The following DLGAP4 variants were observed in gnomAD, a reference collection of about 807,000 sequenced individuals.
DLGAP4 encodes the protein DLG associated protein 4, also known as disks large-associated protein 4.
A neutral mutation model predicts 86.9 loss-of-function variants in DLGAP4; 18 were observed. The ratio of observed to expected loss-of-function variants is 0.21; its 90% CI spans 0.14 to 0.31. The LOEUF is 0.31. Ranked by LOEUF, DLGAP4 falls within the 10% of genes least tolerant of loss-of-function variation. The pLI is 1.00. For missense variants in DLGAP4, 1,085 were observed against 1,362.6 expected, an observed-to-expected ratio of 0.80 and a Z score of 3.21; for synonymous variants, 548 against 574.3, an observed-to-expected ratio of 0.95 and a Z score of 0.65.
At chr20:36,435,411 A>G (rs2033245746) in intron 3 of DLGAP4, among the ~76,000 whole-genome samples, 2 of 152,318 alleles carry the variant, frequency 1.3e-5, no homozygotes, top group South Asian at 4.1e-4. Context: ...TACTGCCACC[A>G]TAACCACTGG....
At chr20:36,335,515 C>T (rs538583085) in intron 1 of DLGAP4, among the ~76,000 whole-genome samples, 1 of 152,220 alleles carries the variant, frequency 6.6e-6, no homozygotes, top group South Asian at 2.1e-4. Flanking sequence ...AAATGGGGGT[C>T]ATGTTATTGT....
intron 10 of DLGAP4, among the ~76,000 whole-genome samples, chr20:36,512,272 G>A (rs1569524021): frequency 6.6e-6 from 1 of 151,868 alleles, no homozygotes; most frequent in Non-Finnish European, 1.5e-5. Context: ...GGATGGTCTT[G>A]ATCTCCTGAC....
At chr20:36,312,523 G>A (rs1361808207) in intron 1 of DLGAP4, among the ~76,000 whole-genome samples, 1 of 152,194 alleles carries the variant, frequency 6.6e-6, no homozygotes, top group Non-Finnish European at 1.5e-5. Context: ...TGGTGCATGA[G>A]GGGGTCATCT....
At chr20:36,508,747 T>C (rs1022803814) in intron 10 of DLGAP4, 1 of 152,234 alleles carries the variant, frequency 6.6e-6, no homozygotes, top group African/African-American at 2.4e-5. Context: ...GTTTTCAGCG[T>C]TTCATCAACA....
intron 7 of DLGAP4, chr20:36,492,938 A>G (rs1211113535): frequency 6.6e-6 from 1 of 151,814 alleles, no homozygotes; most frequent in Non-Finnish European, 1.5e-5. Flanking sequence ...CTCTAAACAA[A>G]CGTCCAGGTC....
chr20:36,416,546 C>T (rs541674234), intron 2 of DLGAP4, among the ~76,000 whole-genome samples: 157 of 152,376 alleles, frequency 1.0e-3, no homozygotes, highest in African/African-American at 3.7e-3. Context: ...AGAGGGCCAG[C>T]TCTGTACAGA....
At chr20:36,486,002 C>A (rs1478914716) in intron 7 of DLGAP4, among the ~76,000 whole-genome samples, 1 of 152,094 alleles carries the variant, frequency 6.6e-6, no homozygotes, top group South Asian at 2.1e-4. Flanking sequence ...TGTGGTGGGG[C>A]GTGATCTGAA....
At position 36,527,254 on chromosome 20, in the gene DLGAP4, GAAACTAGA is replaced by G. The variant is rs907371909; in HGVS notation, c.*229_*236del. On this transcript the variant is annotated 3_prime_UTR_variant, in exon 13 of 13. Transcript: ENST00000339266. ...CACAAAAAAAATCAACAAAAATCAC[GAAACTAGA>G]AAACTTTTTTTTTCCTCTTGCTGGC... The G allele has an allele frequency of 2.2e-6, 1 of 464,714 alleles. No homozygotes were observed. Among genetic ancestry groups the G allele is most frequent in the African/African-American group, 2.0e-5 (1 of 50,596 alleles). 28.8% of individuals were successfully genotyped at this position (464,714 alleles called of 1,614,324 possible). A position where few individuals can be genotyped will look rare whatever the true frequency, so the allele number is the denominator to read the frequency against.
At chr20:36,324,928 T>G (rs1273005764) in intron 1 of DLGAP4, among the ~76,000 whole-genome samples, 1 of 152,206 alleles carries the variant, frequency 6.6e-6, no homozygotes, top group Non-Finnish European at 1.5e-5. Context: ...TGATTTTTTC[T>G]TATTGTTTGT....
At chr20:36,378,061 GC>G (rs1419724782) in intron 2 of DLGAP4, among the ~76,000 whole-genome samples, 3 of 152,164 alleles carry the variant, frequency 2.0e-5, no homozygotes, top group African/African-American at 7.2e-5. Context: ...CCCCAGGAGA[GC>G]CCCTGGGGAA....
intron 1 of DLGAP4, among the ~76,000 whole-genome samples, chr20:36,338,225 G>A (rs782418906): frequency 1.3e-5 from 2 of 152,164 alleles, no homozygotes; most frequent in African/African-American, 2.4e-5. Context: ...CGAGTGCAAG[G>A]GGGGAGGCAG....
chr20:36,396,652 A>G (rs1569484924), intron 2 of DLGAP4, among the ~76,000 whole-genome samples: 1 of 135,208 alleles, frequency 7.4e-6, no homozygotes, highest in African/African-American at 2.8e-5. Context: ...CCACACACAC[A>G]CACACCACAC....
chr20:36,309,229 C>T (rs1230460116), intron 1 of DLGAP4, among the ~76,000 whole-genome samples: 4 of 152,214 alleles, frequency 2.6e-5, no homozygotes, highest in East Asian at 1.9e-4. Context: ...TGTCACCACC[C>T]GCCCAGCCCC....
intron 10 of DLGAP4, among the ~76,000 whole-genome samples, chr20:36,521,669 G>T (rs1461554325): frequency 1.3e-5 from 2 of 152,170 alleles, no homozygotes; most frequent in Non-Finnish European, 2.9e-5. Flanking sequence ...ATCTCTGTAC[G>T]ATCTCCAGGG....
At chr20:36,334,315 G>A (rs1202083204) in intron 1 of DLGAP4, among the ~76,000 whole-genome samples, 4 of 152,098 alleles carry the variant, frequency 2.6e-5, no homozygotes, top group East Asian at 1.9e-4. Context: ...GGCTGATGGC[G>A]AGCTGGTCAG....
At chr20:36,515,993 T>G (rs1336669099) in intron 10 of DLGAP4, among the ~76,000 whole-genome samples, 1 of 152,256 alleles carries the variant, frequency 6.6e-6, no homozygotes, top group Non-Finnish European at 1.5e-5. Context: ...TGATAAGATC[T>G]TCTCAACTGT....
intron 2 of DLGAP4, among the ~76,000 whole-genome samples, chr20:36,401,288 G>A (rs2032153161): frequency 6.6e-6 from 1 of 152,212 alleles, no homozygotes; most frequent in South Asian, 2.1e-4. Context: ...CAAACCTCCA[G>A]CCACAGATAA....
chr20:36,440,565 C>T (rs1569500626), intron 5 of DLGAP4, among the ~76,000 whole-genome samples: 1 of 152,044 alleles, frequency 6.6e-6, no homozygotes, highest in Non-Finnish European at 1.5e-5. Context: ...GCCTTGTTAT[C>T]CATATCCCCA....
intron 2 of DLGAP4, among the ~76,000 whole-genome samples, chr20:36,407,509 TC>T (rs2032359163): frequency 6.6e-6 from 1 of 152,026 alleles, no homozygotes; most frequent in Non-Finnish European, 1.5e-5. Flanking sequence ...GAGAGAAGAC[TC>T]CAGAGTTGCT....
Sources: gnomAD v4.1 joint callset for allele counts (sites outside exome capture counted in the v4.1 genomes callset) on GRCh38, gnomAD v4.1.1 for gene constraint, MANE v1.5 for transcripts, NCBI Gene and HGNC (gene_info 2026-07-23, HGNC 2026-07-21) for gene names.